LYPD6B: variants seen among roughly 807,000 people sequenced by gnomAD.
LYPD6B encodes LY6/PLAUR domain containing 6B.
A neutral mutation model predicts 22.8 loss-of-function variants in LYPD6B; 17 were observed. That is an observed-to-expected ratio of 0.75 (90% CI 0.51 to 1.12). The LOEUF (loss-of-function observed/expected upper bound fraction) is 1.12, where lower values mean the gene tolerates loss of function less well. Among genes scored for constraint, LYPD6B ranks in the 50% most tolerant of loss-of-function variants. The pLI, the probability that LYPD6B is intolerant of heterozygous loss-of-function variation, is 0.00. For synonymous variants in LYPD6B, 106 were observed against 91.6 expected (o/e 1.16, Z -0.90); for missense variants, 221 against 258.3 (o/e 0.86, Z 0.99).
intron 3 of LYPD6B, among the ~76,000 whole-genome samples, chr2:149,201,303 C>T (rs1405674594): frequency 1.3e-5 from 2 of 152,168 alleles, no homozygotes; most frequent in Non-Finnish European, 2.9e-5. Flanking sequence ...AGAAGTAACA[C>T]TGCTCTATGT....
chr2:149,173,180 T>G (rs1269312572), intron 3 of LYPD6B, among the ~76,000 whole-genome samples: 2 of 5,590 alleles, frequency 3.6e-4, no homozygotes, highest in African/African-American at 4.3e-4. Context: ...ATTACTGTGT[T>G]TTTTTTTTTA....
At chr2:149,178,922 C>T (rs573921623) in intron 3 of LYPD6B, among the ~76,000 whole-genome samples, 1 of 152,306 alleles carries the variant, frequency 6.6e-6, no homozygotes, top group East Asian at 1.9e-4. Context: ...AAATCAAGCT[C>T]AAGAATAAAA....
intron 2 of LYPD6B, among the ~76,000 whole-genome samples, chr2:149,153,626 T>C (rs1689510798): frequency 6.6e-6 from 1 of 151,944 alleles, no homozygotes; most frequent in Admixed American, 6.6e-5. Context: ...ATACAAAAAA[T>C]TAGCCAGGCA....
Position 149,149,123 on chromosome 2 carries a change from G to A in LYPD6B, c.6-11641G>A, listed in dbSNP as rs1689209272. ...GAACATTCCAGGCATTTGGAGTTAC[G>A]CAAGAATGACCAGAGTTCTATTAGG... On this transcript the variant is annotated intron_variant, in intron 2 of 6. Transcript: ENST00000409642. Among the ~76,000 whole-genome samples, 3 of 152,174 alleles carry A rather than the reference G, an allele frequency of 2.0e-5. 1 individual carries two copies. The South Asian group carries it at 6.2e-4, about 32-fold the overall frequency.
intron 1 of LYPD6B, chr2:149,101,346 T>C (rs889716618): frequency 6.6e-6 from 1 of 152,274 alleles, no homozygotes; most frequent in Non-Finnish European, 1.5e-5. Flanking sequence ...ATCCCTGTAT[T>C]GAGCAACTGC....
intron 3 of LYPD6B, among the ~76,000 whole-genome samples, chr2:149,189,367 T>TATATATATATATATATATATATACAC (rs1290881582): frequency 1.2e-5 from 1 of 81,062 alleles, no homozygotes; most frequent in African/African-American, 4.1e-5. Flanking sequence ...TATATATATA[T>TATATATATATATATATATATATACAC]ACACACACAT....
intron 3 of LYPD6B, among the ~76,000 whole-genome samples, chr2:149,189,405 T>C (rs976833180): frequency 6.8e-6 from 1 of 147,136 alleles, no homozygotes; most frequent in African/African-American, 2.5e-5. Context: ...TCATGTTAAA[T>C]AGTAATTTAG....
At chr2:149,153,350 C>G (rs1406211180) in intron 2 of LYPD6B, among the ~76,000 whole-genome samples, 2 of 152,042 alleles carry the variant, frequency 1.3e-5, no homozygotes, top group South Asian at 2.1e-4. Flanking sequence ...GACCTGGGTG[C>G]TTGGTTGTAA....
At chr2:149,138,030 A>G (rs973004134) in intron 2 of LYPD6B, among the ~76,000 whole-genome samples, 2 of 152,118 alleles carry the variant, frequency 1.3e-5, no homozygotes, top group Non-Finnish European at 2.9e-5. Context: ...GCTTCCTCCA[A>G]GTTTCTATTT....
At chr2:149,074,930 C>T (rs920509597) in intron 1 of LYPD6B, among the ~76,000 whole-genome samples, 33 of 152,152 alleles carry the variant, frequency 2.2e-4, no homozygotes, top group African/African-American at 7.7e-4. Context: ...TAGTTTTTTT[C>T]TGCAAGGCAA....
chr2:149,084,325 AAAG>A (rs1161006925), intron 1 of LYPD6B, among the ~76,000 whole-genome samples: 1 of 152,212 alleles, frequency 6.6e-6, no homozygotes, highest in African/African-American at 2.4e-5. Flanking sequence ...ATTCCTCTGT[AAAG>A]AAGAGTTTTC....
chr2:149,080,841 C>CAAAA (rs35803068), intron 1 of LYPD6B, among the ~76,000 whole-genome samples: 5 of 46,222 alleles, frequency 1.1e-4, no homozygotes, highest in African/African-American at 1.9e-4. Context: ...GACTCTATCT[C>CAAAA]AAAAAAAAAA....
At chr2:149,121,895 ACC>A (rs1307858273) in intron 1 of LYPD6B, among the ~76,000 whole-genome samples, 1 of 152,122 alleles carries the variant, frequency 6.6e-6, no homozygotes, top group Non-Finnish European at 1.5e-5. Flanking sequence ...CTGGCACAGG[ACC>A]CTGGGTGGTG....
chr2:149,084,227 A>T (rs1263530785), intron 1 of LYPD6B, among the ~76,000 whole-genome samples: 1 of 152,216 alleles, frequency 6.6e-6, no homozygotes, highest in African/African-American at 2.4e-5. Flanking sequence ...GTTTCCTTTG[A>T]GTCAATTAGC....
intron 3 of LYPD6B, among the ~76,000 whole-genome samples, chr2:149,202,621 G>A (rs1693238152): frequency 6.6e-6 from 1 of 152,122 alleles, no homozygotes; most frequent in Non-Finnish European, 1.5e-5. Context: ...TGTATTGCCT[G>A]TTTTCTCCCT....
chr2:149,052,202 A>G (rs4667362), intron 1 of LYPD6B, among the ~76,000 whole-genome samples: 48,029 of 151,568 alleles, frequency 0.32, 8,779 homozygotes, highest in Non-Finnish European at 0.41. Context: ...AATTACAAGC[A>G]CGCCCCACCA....
intron 1 of LYPD6B, among the ~76,000 whole-genome samples, chr2:149,100,772 C>A (rs1686167073): frequency 6.6e-6 from 1 of 152,182 alleles, no homozygotes; most frequent in Non-Finnish European, 1.5e-5. Flanking sequence ...ACAAATTCAC[C>A]TTTGAACTTA....
chr2:149,199,470 C>T (rs975416997), intron 3 of LYPD6B, among the ~76,000 whole-genome samples: 17 of 152,238 alleles, frequency 1.1e-4, no homozygotes, highest in Non-Finnish European at 1.9e-4. Context: ...CAGTACAGTA[C>T]CTGGTACAAA....
At chr2:149,095,779 T>C (rs561772011) in intron 1 of LYPD6B, among the ~76,000 whole-genome samples, 1 of 148,388 alleles carries the variant, frequency 6.7e-6, no homozygotes, top group Non-Finnish European at 1.5e-5. Context: ...AGACAGAAAG[T>C]GGGAGACAGG....
Sources: gnomAD v4.1 joint callset for allele counts (sites outside exome capture counted in the v4.1 genomes callset) on GRCh38, gnomAD v4.1.1 for gene constraint, MANE v1.5 for transcripts, NCBI Gene and HGNC (gene_info 2026-07-23, HGNC 2026-07-21) for gene names.